Variants in TRAPPC9 observed in about 807,000 individuals in gnomAD.
TRAPPC9 encodes trafficking protein particle complex subunit 9, also known as IKK2 binding protein.
TRAPPC9 carries 83 observed loss-of-function variants against 124.0 expected under a neutral mutation model. The ratio of observed to expected loss-of-function variants is 0.67; its 90% CI spans 0.56 to 0.80. The LOEUF is 0.80. Among genes scored for constraint, TRAPPC9 ranks in the 30% least tolerant of loss-of-function variants. TRAPPC9 has a pLI of 0.00. For synonymous variants in TRAPPC9, 638 were observed against 617.5 expected, an observed-to-expected ratio of 1.03 and a Z score of -0.49; for missense variants, 1,302 against 1,508.3, an observed-to-expected ratio of 0.86 and a Z score of 2.27.
At chr8:139,991,386 C>T (rs1270136147) in intron 18 of TRAPPC9, among the ~76,000 whole-genome samples, 1 of 152,108 alleles carries the variant, frequency 6.6e-6, no homozygotes, top group Non-Finnish European at 1.5e-5. Flanking sequence ...TCTATTCTTT[C>T]TAATTGTTGA....
intron 17 of TRAPPC9, among the ~76,000 whole-genome samples, chr8:140,111,967 C>T (rs919876582): frequency 2.6e-5 from 4 of 152,394 alleles, no homozygotes; most frequent in African/African-American, 9.6e-5. Context: ...GGCGCAGGCG[C>T]CATGGCAGGA....
At chr8:140,348,900 A>T (rs2067433225) in intron 9 of TRAPPC9, among the ~76,000 whole-genome samples, 1 of 152,180 alleles carries the variant, frequency 6.6e-6, no homozygotes, top group African/African-American at 2.4e-5. Flanking sequence ...CACGGGAATC[A>T]GAAGTGGGGA....
chr8:140,115,335 T>C (rs1241374067), intron 17 of TRAPPC9, among the ~76,000 whole-genome samples: 3 of 151,896 alleles, frequency 2.0e-5, no homozygotes, highest in Admixed American at 2.0e-4. Flanking sequence ...TGGCGTGATC[T>C]AGGCTCACTG....
At chr8:140,215,450 C>A (rs989164641) in intron 17 of TRAPPC9, among the ~76,000 whole-genome samples, 3 of 151,816 alleles carry the variant, frequency 2.0e-5, no homozygotes, top group Non-Finnish European at 4.4e-5. Context: ...CGGGACCAGC[C>A]CAGGCAACAC....
chr8:139,947,459 T>C (rs920471476), intron 19 of TRAPPC9, among the ~76,000 whole-genome samples: 1 of 152,240 alleles, frequency 6.6e-6, no homozygotes, highest in Non-Finnish European at 1.5e-5. Context: ...ACCTTTGTTA[T>C]ATATGCCAAT....
Position 140,359,846 on chromosome 8 carries a change from G to A in TRAPPC9, c.1495+204C>T, listed in dbSNP as rs183854553. ...GAGCAGGAGGAGATGGCGTGAAGGCGGGAGGAGGTGGCACAGGTGTCCCAG... is the reference window on the plus strand; with the variant it reads ...GAGCAGGAGGAGATGGCGTGAAGGCAGGAGGAGGTGGCACAGGTGTCCCAG... On this transcript the variant is annotated intron_variant, in intron 9 of 22. Transcript: ENST00000438773. Among the ~76,000 whole-genome samples, 384 of 152,282 alleles carry A rather than the reference G, an allele frequency of 2.5e-3. 3 individuals are homozygous for A. The highest frequency in any genetic ancestry group is 4.4e-3 in the Non-Finnish European group (297 of 68,020).
intron 17 of TRAPPC9, among the ~76,000 whole-genome samples, chr8:140,132,141 A>T (rs928115108): frequency 1.7e-4 from 26 of 152,160 alleles, no homozygotes; most frequent in Non-Finnish European, 3.5e-4. Context: ...GTTGCCTGGA[A>T]ACTAAATAGG....
At chr8:139,908,143 G>A (rs1831479057) in intron 20 of TRAPPC9, among the ~76,000 whole-genome samples, 1 of 152,146 alleles carries the variant, frequency 6.6e-6, no homozygotes, top group African/African-American at 2.4e-5. Context: ...TCTGTGAAGC[G>A]TGGGGACACA....
At position 140,397,714 on chromosome 8, in the gene TRAPPC9, G is replaced by A. The variant is rs372305410; in HGVS notation, c.1040C>T (p.Ala347Val). The A allele has an allele frequency of 5.4e-5, 87 of 1,614,102 alleles. No homozygotes were observed. Among genetic ancestry groups the A allele is most frequent in the Non-Finnish European group, 6.9e-5 (81 of 1,180,006 alleles). ...AAGGACACGTACAGCCTTGATGCAC[G>A]CTTCCAACTCAATCACTCCCGCATT... ...YKNAGVIELEACIKAVRVLAI... is the reference protein window; with the variant it reads ...YKNAGVIELEVCIKAVRVLAI... The change falls in exon 7 of 23, where the codon GCG becomes GTG. Residue 347 changes from alanine (A) to valine (V), a missense_variant. Around this residue, in one of 3 missense-constraint regions of TRAPPC9, gnomAD observed 657 missense variants for 811.2 expected, o/e 0.81. Coordinates refer to ENST00000438773, the MANE Select transcript of TRAPPC9 (RefSeq NM_001160372.4).
At chr8:139,912,878 T>C (rs1273308106) in intron 19 of TRAPPC9, among the ~76,000 whole-genome samples, 3 of 152,250 alleles carry the variant, frequency 2.0e-5, no homozygotes, top group Non-Finnish European at 4.4e-5. Flanking sequence ...AAAGGCAGAC[T>C]GAAGCAAACT....
At chr8:139,987,902 C>T (rs888495437) in intron 19 of TRAPPC9, among the ~76,000 whole-genome samples, 1 of 152,158 alleles carries the variant, frequency 6.6e-6, no homozygotes, top group South Asian at 2.1e-4. Flanking sequence ...CCTCACTCAC[C>T]TCTGCCGGGC....
intron 21 of TRAPPC9, among the ~76,000 whole-genome samples, chr8:139,806,648 C>T (rs888409177): frequency 1.3e-5 from 2 of 152,108 alleles, no homozygotes; most frequent in African/African-American, 4.8e-5. Context: ...CTCTGAGTGG[C>T]TCCTTGAACT....
intron 9 of TRAPPC9, among the ~76,000 whole-genome samples, chr8:140,350,868 A>C (rs1262264816): frequency 1.3e-5 from 2 of 152,094 alleles, no homozygotes; most frequent in Admixed American, 1.3e-4. Flanking sequence ...GTTTTATTAC[A>C]GGAGCAACAA....
At position 140,342,396 on chromosome 8, in the gene TRAPPC9, T is replaced by C. The variant is rs76800931; in HGVS notation, c.1495+17654A>G. Among the ~76,000 whole-genome samples the C allele has an allele frequency of 4.2e-3, 637 of 152,310 alleles. 9 individuals carry two copies. The highest frequency in any genetic ancestry group is 0.015 in the African/African-American group (603 of 41,558). On this transcript the variant is annotated intron_variant, in intron 9 of 22. Transcript: ENST00000438773. ...TCACCTCACTATTTTACATGTGTGG[T>C]TTCTCTACCAAGCAGGCATTTTATT...
At position 140,341,668 on chromosome 8, in the gene TRAPPC9, T is replaced by C. The variant is rs191740584; in HGVS notation, c.1495+18382A>G. Among the ~76,000 whole-genome samples, 595 of 150,040 alleles carry C rather than the reference T, an allele frequency of 4.0e-3. 9 individuals carry two copies. Among genetic ancestry groups the C allele is most frequent in the Admixed American group, 0.013 (190 of 15,098 alleles). ...TTCACAAATGTGATAAGCATTGTTA[T>C]ATACGCATGGGAAAAAAAAAAAAAA... On this transcript the variant is annotated intron_variant, in intron 9 of 22. Transcript: ENST00000438773.
At chr8:140,270,684 G>C (rs1431661993) in intron 15 of TRAPPC9, among the ~76,000 whole-genome samples, 2 of 152,220 alleles carry the variant, frequency 1.3e-5, no homozygotes, top group Non-Finnish European at 2.9e-5. Context: ...AGAGCCCAGA[G>C]GATAAATGCT....
intron 14 of TRAPPC9, among the ~76,000 whole-genome samples, chr8:140,280,083 G>A (rs535141417): frequency 3.9e-5 from 6 of 152,146 alleles, no homozygotes; most frequent in East Asian, 1.9e-4. Context: ...GCCTGTGAGC[G>A]CGTGCCGTGA....
chr8:140,161,629 A>C (rs1284489774), intron 17 of TRAPPC9, among the ~76,000 whole-genome samples: 3 of 152,120 alleles, frequency 2.0e-5, no homozygotes, highest in African/African-American at 7.2e-5. Flanking sequence ...TCAGGTGTGG[A>C]ATTTTCCACT....
intron 17 of TRAPPC9, among the ~76,000 whole-genome samples, chr8:140,181,275 T>A (rs2062196194): frequency 6.6e-6 from 1 of 152,150 alleles, no homozygotes; most frequent in African/African-American, 2.4e-5. Flanking sequence ...GTGGGGGGCA[T>A]GGGGAGACAG....
Sources: allele counts gnomAD v4.1 joint callset (sites outside exome capture counted in the v4.1 genomes callset), GRCh38; gene constraint gnomAD v4.1.1; regional missense constraint gnomAD v4.1.1; transcripts MANE v1.5; gene names NCBI Gene and HGNC (gene_info 2026-07-23, HGNC 2026-07-21).